ITFG1: variants seen among roughly 807,000 people sequenced by gnomAD.
ITFG1 encodes integrin alpha FG-GAP repeat containing 1.
Under a neutral mutation model 81.8 loss-of-function variants are expected in ITFG1, and 34 were observed. That is an observed-to-expected ratio of 0.42 (90% CI 0.32 to 0.55). ITFG1 has a LOEUF of 0.55. ITFG1 is among the 20% of genes least tolerant of loss of function. The pLI is 0.17. For synonymous variants in ITFG1, 285 were observed against 270.6 expected (o/e 1.05, Z -0.52); for missense variants, 672 against 755.4 (o/e 0.89, Z 1.29).
At chr16:47,452,076 G>A (rs1011392980) in intron 4 of ITFG1, among the ~76,000 whole-genome samples, 5 of 152,064 alleles carry the variant, frequency 3.3e-5, no homozygotes, top group African/African-American at 1.2e-4. Flanking sequence ...GAAATCTAGC[G>A]GGGCACCGTT....
chr16:47,195,718 TTC>T (rs904125387), intron 14 of ITFG1, among the ~76,000 whole-genome samples: 1 of 152,182 alleles, frequency 6.6e-6, no homozygotes, highest in African/African-American at 2.4e-5. Context: ...CTCCCTCACT[TTC>T]TTTTTGTTGT....
At chr16:47,363,239 G>C (rs1596930803) in intron 8 of ITFG1, among the ~76,000 whole-genome samples, 1 of 152,160 alleles carries the variant, frequency 6.6e-6, no homozygotes, top group East Asian at 1.9e-4. Context: ...TTTAAAATCA[G>C]TTTTCTTACA....
intron 6 of ITFG1, among the ~76,000 whole-genome samples, chr16:47,421,698 C>CT (rs1231630899): frequency 1.3e-5 from 2 of 152,074 alleles, no homozygotes; most frequent in African/African-American, 2.4e-5. Flanking sequence ...TAAAATTATA[C>CT]TTTAAGTTCT....
At chr16:47,168,050 A>G (rs898792334) in intron 14 of ITFG1, among the ~76,000 whole-genome samples, 2 of 152,194 alleles carry the variant, frequency 1.3e-5, no homozygotes, top group Non-Finnish European at 2.9e-5. Flanking sequence ...CCCACCAGCA[A>G]TGTATGAGGG....
chr16:47,362,098 T>C (rs969735041), intron 8 of ITFG1, among the ~76,000 whole-genome samples: 2 of 152,164 alleles, frequency 1.3e-5, no homozygotes, highest in African/African-American at 4.8e-5. Context: ...CTTTTTTAGG[T>C]AATTCAGAGT....
upstream of ITFG1, chr16:47,461,154 GCCGCTGC>G: frequency 8.9e-7 from 1 of 1,124,952 alleles, no homozygotes; most frequent in Non-Finnish European, 1.2e-6. Flanking sequence ...ACGCGTAAGA[GCCGCTGC>G]CGGCTCCTTT....
At chr16:47,242,015 G>T (rs980044307) in intron 12 of ITFG1, among the ~76,000 whole-genome samples, 3 of 151,934 alleles carry the variant, frequency 2.0e-5, no homozygotes, top group Non-Finnish European at 2.9e-5. Flanking sequence ...TTCTTTCGGT[G>T]GTGATGACTA....
intron 14 of ITFG1, among the ~76,000 whole-genome samples, chr16:47,169,722 G>A (rs886505619): frequency 6.6e-6 from 1 of 152,162 alleles, no homozygotes; most frequent in Non-Finnish European, 1.5e-5. Context: ...GTAAAAAGGT[G>A]AATAGCAGGA....
At chr16:47,409,889 A>T (rs368817892) in intron 6 of ITFG1, among the ~76,000 whole-genome samples, 50 of 152,326 alleles carry the variant, frequency 3.3e-4, no homozygotes, top group African/African-American at 1.2e-3. Flanking sequence ...TTATACAACA[A>T]GCTGGAGATA....
intron 5 of ITFG1, among the ~76,000 whole-genome samples, chr16:47,433,820 G>A (rs1969125122): frequency 9.3e-6 from 1 of 107,776 alleles, no homozygotes; most frequent in Non-Finnish European, 1.9e-5. Context: ...CACACGTATA[G>A]TTGTCAATAA....
At chr16:47,192,968 G>A (rs1965310654) in intron 14 of ITFG1, among the ~76,000 whole-genome samples, 1 of 152,110 alleles carries the variant, frequency 6.6e-6, no homozygotes, top group Non-Finnish European at 1.5e-5. Flanking sequence ...GCTGGCTCTA[G>A]CTGCGGCTTC....
intron 6 of ITFG1, among the ~76,000 whole-genome samples, chr16:47,412,939 G>C (rs1323054412): frequency 3.9e-5 from 6 of 152,170 alleles, no homozygotes; most frequent in Admixed American, 3.9e-4. Flanking sequence ...AACTTGGAAA[G>C]CATATTTGAG....
At chr16:47,303,945 G>T (rs371036930) in intron 10 of ITFG1, among the ~76,000 whole-genome samples, 1 of 151,910 alleles carries the variant, frequency 6.6e-6, no homozygotes, top group Non-Finnish European at 1.5e-5. Flanking sequence ...ATAATTTTCC[G>T]TTGCAAGTTT....
intron 12 of ITFG1, among the ~76,000 whole-genome samples, chr16:47,239,519 T>C (rs1393256977): frequency 2.0e-5 from 3 of 152,018 alleles, no homozygotes; most frequent in Non-Finnish European, 4.4e-5. Context: ...TTTATATTAA[T>C]AGCAGCCTAA....
chr16:47,329,252 C>T (rs1309898862), intron 8 of ITFG1, among the ~76,000 whole-genome samples: 1 of 152,076 alleles, frequency 6.6e-6, no homozygotes, highest in Non-Finnish European at 1.5e-5. Context: ...GAAAAGAAGT[C>T]ATGCTTGGGG....
chr16:47,284,423 C>T (rs1266363508), intron 10 of ITFG1, among the ~76,000 whole-genome samples: 5 of 152,110 alleles, frequency 3.3e-5, no homozygotes, highest in African/African-American at 4.8e-5. Flanking sequence ...CCTTACAAAA[C>T]GCGTTCCTCA....
At chr16:47,165,721 C>T (rs1265548036) in intron 14 of ITFG1, among the ~76,000 whole-genome samples, 3 of 152,294 alleles carry the variant, frequency 2.0e-5, no homozygotes, top group Middle Eastern at 3.4e-3. Context: ...TGGCATGTGC[C>T]TGTAGTCCCA....
intron 8 of ITFG1, among the ~76,000 whole-genome samples, chr16:47,323,018 C>A (rs755206981): frequency 6.6e-6 from 1 of 151,970 alleles, no homozygotes; most frequent in Non-Finnish European, 1.5e-5. Context: ...AATTGCCAGG[C>A]TTCAATATTA....
At chr16:47,381,285 G>T (rs181357672) in intron 6 of ITFG1, among the ~76,000 whole-genome samples, 303 of 152,298 alleles carry the variant, frequency 2.0e-3, no homozygotes, top group African/African-American at 7.1e-3. Context: ...TGGTATAAAA[G>T]AAGATGTTGA....
Sources: gnomAD v4.1 joint callset for allele counts (sites outside exome capture counted in the v4.1 genomes callset) on GRCh38, gnomAD v4.1.1 for gene constraint, MANE v1.5 for transcripts, NCBI Gene and HGNC (gene_info 2026-07-23, HGNC 2026-07-21) for gene names.